THSD7B: variants seen among roughly 807,000 people sequenced by gnomAD.
The protein encoded by THSD7B is thrombospondin type-1 domain-containing protein 7B.
A neutral mutation model predicts 213.6 loss-of-function variants in THSD7B; 138 were observed. That is an observed-to-expected ratio of 0.65 (90% CI 0.56 to 0.74). THSD7B has a LOEUF of 0.74. THSD7B is among the 30% of genes least tolerant of loss of function. The pLI, the probability that THSD7B is intolerant of heterozygous loss-of-function variation, is 0.00. For synonymous variants in THSD7B, 742 were observed against 687.0 expected (o/e 1.08, Z -1.25); for missense variants, 1,931 against 1,991.5 (o/e 0.97, Z 0.58).
chr2:137,453,148 C>T (rs1687685412), intron 15 of THSD7B, among the ~76,000 whole-genome samples: 1 of 151,724 alleles, frequency 6.6e-6, no homozygotes, highest in African/African-American at 2.4e-5. Context: ...AATTAAGAAC[C>T]TCACCCGAAT....
intron 15 of THSD7B, among the ~76,000 whole-genome samples, chr2:137,508,117 T>C (rs996062450): frequency 3.3e-5 from 5 of 152,244 alleles, no homozygotes; most frequent in Admixed American, 6.5e-5. Context: ...TTTGTTAAAG[T>C]ACCTTAAAGT....
In THSD7B at chr2:137,429,898, A is replaced by T. The variant is rs190069773; in HGVS notation, c.2959+18026A>T. On this transcript the variant is annotated intron_variant, in intron 14 of 27. Transcript: ENST00000409968. ...AAGTTTCACCTTGTTTTTTAAAGAG[A>T]TTCATGTCTAACAGAACTCCAGTGT... Among the ~76,000 whole-genome samples the T allele has an allele frequency of 7.0e-3, 1,066 of 152,160 alleles. 11 individuals carry two copies. Among genetic ancestry groups the T allele is most frequent in the Middle Eastern group, 0.02 (6 of 294 alleles).
At chr2:137,109,076 A>C (rs1688302551) in intron 4 of THSD7B, among the ~76,000 whole-genome samples, 1 of 152,140 alleles carries the variant, frequency 6.6e-6, no homozygotes, top group Non-Finnish European at 1.5e-5. Context: ...TATATCCCGA[A>C]TCTAATCTCT....
Position 137,464,748 on chromosome 2 carries a change from ATTATTTAT to A in THSD7B, c.3138+13744_3138+13751del, listed in dbSNP as rs531702215. Among the ~76,000 whole-genome samples the A allele has an allele frequency of 2.6e-5, 4 of 151,918 alleles. No individual in the cohort carries two copies. In the East Asian group the frequency reaches 5.8e-4, roughly 22 times the overall value. Reference sequence around the variant, plus strand: ...AGCTGCTCAATTGACTGTTTAAAAAATTATTTATTTATTTATTTATTTATTTTACTGAG... The same window carrying A: ...AGCTGCTCAATTGACTGTTTAAAAAATTATTTATTTATTTATTTTACTGAG... On this transcript the variant is annotated intron_variant, in intron 15 of 27. Transcript: ENST00000409968.
At chr2:136,857,434 T>C (rs1683193607) in intron 1 of THSD7B, among the ~76,000 whole-genome samples, 1 of 152,194 alleles carries the variant, frequency 6.6e-6, no homozygotes, top group Non-Finnish European at 1.5e-5. Context: ...GTGCTTTTTA[T>C]TCCCTAACTG....
At chr2:137,395,169 A>C (rs1400459615) in intron 12 of THSD7B, among the ~76,000 whole-genome samples, 2 of 145,306 alleles carry the variant, frequency 1.4e-5, no homozygotes, top group Non-Finnish European at 3.1e-5. Context: ...TCTCCTGCCT[A>C]ATTGCCCTGG....
chr2:137,662,195 T>C (rs1292367775), intron 25 of THSD7B, among the ~76,000 whole-genome samples: 1 of 149,210 alleles, frequency 6.7e-6, no homozygotes, highest in East Asian at 2.0e-4. Context: ...CCCAAGTAGC[T>C]AGGACTACAG....
At chr2:137,106,992 A>G (rs2104930719) in intron 4 of THSD7B, among the ~76,000 whole-genome samples, 1 of 152,316 alleles carries the variant, frequency 6.6e-6, no homozygotes, top group South Asian at 2.1e-4. Context: ...GTGATTCCTC[A>G]AGGATCTAGA....
Position 137,473,305 on chromosome 2 carries a change from T to C in THSD7B, c.3138+22282T>C, listed in dbSNP as rs1573645855. 1.3e-5 allele frequency among the ~76,000 whole-genome samples: 2 copies of C among 152,074 alleles called. 1 individual carries two copies. Among genetic ancestry groups the C allele is most frequent in the African/African-American group, 4.8e-5 (2 of 41,492 alleles). The stretch of plus-strand genomic sequence containing the variant: ...TGCGATCTCAGCTCACTGCAGGCTC[T>C]GTCTTCCAGGTTCACGCCATTCTCC... On this transcript the variant is annotated intron_variant, in intron 15 of 27. Coordinates refer to ENST00000409968, the MANE Select transcript of THSD7B (RefSeq NM_001316349.2).
chr2:136,992,408 A>G (rs1013961401), intron 2 of THSD7B, among the ~76,000 whole-genome samples: 4 of 152,222 alleles, frequency 2.6e-5, no homozygotes, highest in African/African-American at 9.6e-5. Flanking sequence ...TTCCAGAGGT[A>G]TATATGTCTT....
intron 9 of THSD7B, among the ~76,000 whole-genome samples, chr2:137,240,286 T>C (rs1681872056): frequency 6.6e-6 from 1 of 152,238 alleles, no homozygotes; most frequent in South Asian, 2.1e-4. Flanking sequence ...CAAAACAAAA[T>C]TTATTCGTCT....
intron 15 of THSD7B, among the ~76,000 whole-genome samples, chr2:137,520,150 T>A (rs555069897): frequency 6.6e-6 from 1 of 152,322 alleles, no homozygotes; most frequent in Admixed American, 6.5e-5. Flanking sequence ...CTGTTTTTGT[T>A]TTTTTCACAT....
Position 136,827,616 on chromosome 2 carries a change from C to T in THSD7B, c.-35-54528C>T, listed in dbSNP as rs548516200. On this transcript the variant is annotated intron_variant, in intron 1 of 27. Transcript: ENST00000409968. ...CCAGCTTCAGGCTCTGGATTGAAAA[C>T]CAAGGCAGAAGCTCTTCAGTGGTTT... is the stretch of plus-strand genomic sequence containing the variant. Among the ~76,000 whole-genome samples, 4 of 152,226 alleles carry T rather than the reference C, an allele frequency of 2.6e-5. No individual in the cohort carries two copies. In the East Asian group the frequency reaches 5.8e-4, roughly 22 times the overall value.
intron 15 of THSD7B, among the ~76,000 whole-genome samples, chr2:137,467,592 T>G (rs749562455): frequency 6.6e-6 from 1 of 152,178 alleles, no homozygotes; most frequent in Non-Finnish European, 1.5e-5. Flanking sequence ...GTCCCCTATA[T>G]ACACTTAATG....
chr2:137,174,577 CTTTGA>C (rs765240559), intron 7 of THSD7B, among the ~76,000 whole-genome samples: 2 of 152,126 alleles, frequency 1.3e-5, no homozygotes, highest in African/African-American at 2.4e-5. Context: ...CCATTTTCTA[CTTTGA>C]TTTATTAGCA....
chr2:137,415,739 A>C (rs965225853), intron 14 of THSD7B, among the ~76,000 whole-genome samples: 2 of 124,100 alleles, frequency 1.6e-5, no homozygotes, highest in Non-Finnish European at 3.2e-5. Context: ...ACTGAGCTTT[A>C]TCTCTCCCTG....
chr2:137,104,470 A>T (rs1688209754), intron 4 of THSD7B, among the ~76,000 whole-genome samples: 1 of 141,206 alleles, frequency 7.1e-6, no homozygotes, highest in Non-Finnish European at 1.6e-5. Flanking sequence ...GAACATCACA[A>T]GTAAAAAGAA....
chr2:136,999,192 T>C (rs953860668), intron 2 of THSD7B, among the ~76,000 whole-genome samples: 1 of 152,178 alleles, frequency 6.6e-6, no homozygotes, highest in Non-Finnish European at 1.5e-5. Context: ...ATAGTAGCCA[T>C]GGTTTTTGAT....
chr2:137,532,708 T>G (rs1680421553), intron 15 of THSD7B, among the ~76,000 whole-genome samples: 1 of 151,844 alleles, frequency 6.6e-6, no homozygotes, highest in East Asian at 1.9e-4. Context: ...TTTCTAATTC[T>G]TTCTCTGTTG....
Sources: gnomAD v4.1 joint callset for allele counts (sites outside exome capture counted in the v4.1 genomes callset) on GRCh38, gnomAD v4.1.1 for gene constraint, MANE v1.5 for transcripts, NCBI Gene and HGNC (gene_info 2026-07-23, HGNC 2026-07-21) for gene names.